The following FNDC1 variants were observed in gnomAD, a reference collection of about 807,000 sequenced individuals.
FNDC1 encodes fibronectin type III domain containing 1, also known as fibronectin type III domain-containing protein 1.
Under a neutral mutation model 168.0 loss-of-function variants are expected in FNDC1, and 96 were observed. The ratio of observed to expected loss-of-function variants is 0.57; its 90% CI spans 0.48 to 0.68. FNDC1 has a LOEUF of 0.68. Ranked by LOEUF, FNDC1 falls within the 30% of genes least tolerant of loss-of-function variation. The pLI is 0.00. For synonymous variants in FNDC1, 1,099 were observed against 1,025.9 expected (o/e 1.07, Z -1.36); for missense variants, 2,587 against 2,482.1 (o/e 1.04, Z -0.90).
intron 1 of FNDC1, among the ~76,000 whole-genome samples, chr6:159,191,981 C>A (rs890040864): frequency 2.6e-5 from 4 of 152,156 alleles, no homozygotes; most frequent in African/African-American, 9.7e-5. Flanking sequence ...GCAATGCTCC[C>A]ACCTCAGCTT....
intron 11 of FNDC1, among the ~76,000 whole-genome samples, chr6:159,234,684 G>A (rs1433176561): frequency 7.9e-5 from 12 of 152,246 alleles, no homozygotes; most frequent in Non-Finnish European, 1.6e-4. Flanking sequence ...AGAAGCTGCG[G>A]CTCAGGATCT....
intron 13 of FNDC1, 87 bp from the exon 14 acceptor site, chr6:159,239,430 A>C: frequency 8.5e-7 from 1 of 1,178,004 alleles, no homozygotes; most frequent in Non-Finnish European, 1.2e-6. Flanking sequence ...ATAATACATA[A>C]GCTTTGAGAA....
In FNDC1 at chr6:159,232,779, A is replaced by G. The variant is rs755290240; in HGVS notation, c.2267A>G (p.Asn756Ser). The G allele has an allele frequency of 1.5e-5, 25 of 1,613,690 alleles. No homozygotes were observed. In the African/African-American group the frequency reaches 2.7e-4, roughly 17 times the overall value. Residue 756 changes from asparagine to serine, a missense_variant, in exon 11 of 23, where the codon AAT becomes AGT. By Grantham distance (46) the Asn-to-Ser change is conservative (BLOSUM62 1). Coordinates refer to ENST00000297267, the MANE Select transcript of FNDC1 (RefSeq NM_032532.3). This position sits in a 1 kb window ranked among gnomAD's most constrained non-coding sequence, Gnocchi z 4.9. ...DGEDAPATNSNAPSRSTMSSS... is the reference protein window; with the variant it reads ...DGEDAPATNSSAPSRSTMSSS... ...GAGGACGCCCCAGCCACCAACTCCA[A>G]TGCGCCATCACGGTCCACCATGTCC...
chr6:159,240,005 C>T (rs897784558), intron 14 of FNDC1, 48 bp downstream of exon 14: 43 of 1,438,852 alleles, frequency 3.0e-5, no homozygotes, highest in South Asian at 1.5e-4. Flanking sequence ...CACACTAGCA[C>T]GCCGCAACTC....
chr6:159,211,969 A>G (rs1270254285), intron 4 of FNDC1, among the ~76,000 whole-genome samples: 3 of 152,210 alleles, frequency 2.0e-5, no homozygotes, highest in Non-Finnish European at 4.4e-5. Context: ...TTTCTTTGTA[A>G]AAAGAAGAGA....
intron 4 of FNDC1, among the ~76,000 whole-genome samples, chr6:159,210,032 A>G (rs1316850160): frequency 6.6e-6 from 1 of 152,208 alleles, no homozygotes; most frequent in East Asian, 1.9e-4. Context: ...GCAGATCTTG[A>G]TGGGACAGAT....
chr6:159,204,203 C>G (rs1311709091), intron 4 of FNDC1, among the ~76,000 whole-genome samples: 1 of 152,182 alleles, frequency 6.6e-6, no homozygotes, highest in Non-Finnish European at 1.5e-5. Context: ...GCGGACCAGA[C>G]ATTTCCTTAT....
At chr6:159,177,188 G>A (rs2114918758) in intron 1 of FNDC1, among the ~76,000 whole-genome samples, 1 of 152,264 alleles carries the variant, frequency 6.6e-6, no homozygotes, top group East Asian at 1.9e-4. Context: ...GGAGTGGTAA[G>A]TAACTTGGCT....
chr6:159,268,726 C>A (rs1237584740), intron 22 of FNDC1, among the ~76,000 whole-genome samples: 2 of 151,252 alleles, frequency 1.3e-5, no homozygotes, highest in Admixed American at 6.6e-5. Context: ...ATGCATCCAT[C>A]TATCTATCTA....
Position 159,236,276 on chromosome 6 carries a change from T to C in FNDC1, c.4029T>C (p.Asn1343=), listed in dbSNP as rs375600931. 3.0e-4 allele frequency: 484 copies of C among 1,613,656 alleles called. No homozygotes were observed. The highest frequency in any genetic ancestry group is 3.8e-4 in the Non-Finnish European group (446 of 1,179,780). The change falls in exon 12 of 23, where the codon AAT becomes AAC. Residue 1343 remains asparagine (N), a synonymous_variant. Coordinates refer to ENST00000297267, the MANE Select transcript of FNDC1 (RefSeq NM_032532.3). The stretch of plus-strand genomic sequence containing the variant: ...TTCCTGGTAGTAATGGAAAACCGAA[T>C]GGACAGAGAATTATCAATGGCCCTC... The part of the protein sequence containing the change: ...KVLPGSNGKP[N]GQRIINGPQG...
intron 18 of FNDC1, among the ~76,000 whole-genome samples, chr6:159,259,187 A>T (rs955466641): frequency 6.6e-6 from 1 of 152,234 alleles, no homozygotes; most frequent in Non-Finnish European, 1.5e-5. Flanking sequence ...CAGAGTATGA[A>T]ATGTATACTT....
chr6:159,172,903 G>A (rs755640519), intron 1 of FNDC1, among the ~76,000 whole-genome samples: 19 of 152,224 alleles, frequency 1.2e-4, no homozygotes, highest in African/African-American at 3.6e-4. Context: ...TAAGCAGATC[G>A]GAGATATTCT....
intron 14 of FNDC1, chr6:159,243,201 C>A (rs1783465075): frequency 6.6e-6 from 1 of 151,606 alleles, no homozygotes; most frequent in African/African-American, 2.4e-5. Context: ...GTATCTACAG[C>A]AAATCTGATA....
rs1468330229 is a variant in FNDC1 at position 159,266,226 on chromosome 6, C to T, written c.5427C>T (p.Tyr1809=). 1 of 1,613,958 alleles carries T rather than the reference C, an allele frequency of 6.2e-7. No individual in the cohort carries two copies. Among genetic ancestry groups the T allele is most frequent in the Admixed American group, 1.7e-5 (1 of 60,024 alleles). ...GTAATTCACTGAGGTATAAAATCTA[C>T]CTCAGTGACAACCTGAAAGGTAAGT... is the stretch of plus-strand genomic sequence containing the variant. The part of the protein sequence containing the change: ...VLCNSLRYKI[Y]LSDNLKDTFY... Residue 1809 remains tyrosine, a synonymous_variant, in exon 21 of 23, where the codon TAC becomes TAT. Transcript: ENST00000297267.
At position 159,271,426 on chromosome 6, in the gene FNDC1, T is replaced by G; in HGVS notation, c.5669T>G (p.Ile1890Ser). 1.9e-6 allele frequency: 3 copies of G among 1,609,492 alleles called. No individual in the cohort carries two copies. Among genetic ancestry groups the G allele is most frequent in the Non-Finnish European group, 2.5e-6 (3 of 1,177,956 alleles). ...GGCTGGTACGAGTGTGGGGTCTCCA[T>G]CCCTGGAAAGTGGTAATCACAGGAC... The part of the protein sequence containing the change: ...YVGWYECGVS[I>S]PGKW The change falls in exon 23 of 23, where the codon ATC becomes AGC. Residue 1890 changes from isoleucine to serine, a missense_variant. Ile to Ser is a moderately radical substitution (Grantham distance 142). Transcript: ENST00000297267.
intron 17 of FNDC1, among the ~76,000 whole-genome samples, chr6:159,256,066 G>C (rs1375926552): frequency 6.6e-6 from 1 of 152,176 alleles, no homozygotes; most frequent in Non-Finnish European, 1.5e-5. Context: ...GGGACCCCTG[G>C]GCGTGTGGGG....
chr6:159,242,716 A>G (rs1043458317), intron 14 of FNDC1, among the ~76,000 whole-genome samples: 3 of 152,100 alleles, frequency 2.0e-5, no homozygotes, highest in Non-Finnish European at 4.4e-5. Flanking sequence ...CTCCCAACCC[A>G]TGGAAACCAC....
At chr6:159,209,203 AT>A (rs1259665183) in intron 4 of FNDC1, among the ~76,000 whole-genome samples, 8 of 152,224 alleles carry the variant, frequency 5.3e-5, no homozygotes, top group Admixed American at 5.2e-4. Context: ...CAAAATGTAA[AT>A]GCAATTTTGA....
At chr6:159,269,548 A>G (rs940763371) in intron 22 of FNDC1, among the ~76,000 whole-genome samples, 2 of 150,714 alleles carry the variant, frequency 1.3e-5, no homozygotes, top group African/African-American at 4.9e-5. Context: ...CCATCCATCC[A>G]TCCATCCATC....
Sources: allele counts gnomAD v4.1 joint callset (sites outside exome capture counted in the v4.1 genomes callset), GRCh38; gene constraint gnomAD v4.1.1; non-coding constraint Gnocchi (gnomAD v3.1); transcripts MANE v1.5; gene names NCBI Gene and HGNC (gene_info 2026-07-23, HGNC 2026-07-21).